The following AQP9 variants were observed in gnomAD, a reference collection of about 807,000 sequenced individuals.
AQP9 encodes the protein aquaporin 9.
Under a neutral mutation model 23.8 loss-of-function variants are expected in AQP9, and 19 were observed. That is an observed-to-expected ratio of 0.80 (90% CI 0.56 to 1.17). The LOEUF (loss-of-function observed/expected upper bound fraction) is 1.17, where lower values mean the gene tolerates loss of function less well. Ranked by LOEUF, AQP9 falls within the 50% of genes most tolerant of loss-of-function variation. The probability of loss-of-function intolerance (pLI) is 0.00; values close to 1 mark genes in which losing one functional copy is unlikely to be tolerated. For synonymous variants in AQP9, 153 were observed against 131.5 expected, an observed-to-expected ratio of 1.16 and a Z score of -1.12; for missense variants, 413 against 362.0, an observed-to-expected ratio of 1.14 and a Z score of -1.14.
In AQP9 at chr15:58,184,123, T is replaced by G. The variant is rs1898958141; in HGVS notation, c.876T>G (p.Ser292Arg). The change falls in exon 6 of 6, where the codon AGT becomes AGG. Residue 292 changes from serine to arginine, a missense_variant. Ser to Arg is a moderately radical substitution (Grantham distance 110). Transcript: ENST00000219919. ...ACAAACCAGAGAAATATGAACTCAGTGTCATCATGTAGTGGCATGCTCAGC... is the reference window on the plus strand; with the variant it reads ...ACAAACCAGAGAAATATGAACTCAGGGTCATCATGTAGTGGCATGCTCAGC... ...SEDKPEKYEL[S>R]VIM The G allele has an allele frequency of 6.2e-7, 1 of 1,613,866 alleles. No individual in the cohort carries two copies. The highest frequency in any genetic ancestry group is 2.2e-5 in the East Asian group (1 of 44,876).
rs1345530362 is a variant in AQP9, at chr15:58,152,532, A to G, written c.111+13856A>G. 2.0e-5 allele frequency: 3 copies of G among 152,186 alleles called. No individual in the cohort carries two copies. The East Asian group carries it at 5.8e-4, about 29-fold the overall frequency. 9.4% of individuals were successfully genotyped at this position (152,186 alleles called of 1,614,324 possible). A position where few individuals can be genotyped will look rare whatever the true frequency, so the allele number is the denominator to read the frequency against. ...ACTGTAAATATAGTATAACCAAAACATTAGATTGTGGATCTAATAACAGAA... is the reference window on the plus strand; with the variant it reads ...ACTGTAAATATAGTATAACCAAAACGTTAGATTGTGGATCTAATAACAGAA... On this transcript the variant is annotated intron_variant, in intron 1 of 5. Coordinates refer to ENST00000219919, the MANE Select transcript of AQP9 (RefSeq NM_020980.5).
chr15:58,147,439 A>G (rs1898067201), intron 1 of AQP9, among the ~76,000 whole-genome samples: 1 of 152,164 alleles, frequency 6.6e-6, no homozygotes, highest in Non-Finnish European at 1.5e-5. Context: ...TACCTCCAGC[A>G]GGCATCTAAT....
intron 1 of AQP9, among the ~76,000 whole-genome samples, chr15:58,156,458 A>G (rs1898261411): frequency 6.6e-6 from 1 of 152,160 alleles, no homozygotes; most frequent in Non-Finnish European, 1.5e-5. Context: ...ACTCAAACTA[A>G]GCCAACACGA....
intron 3 of AQP9, among the ~76,000 whole-genome samples, chr15:58,173,674 C>G (rs1014155945): frequency 6.6e-6 from 1 of 152,142 alleles, no homozygotes; most frequent in Non-Finnish European, 1.5e-5. Flanking sequence ...AGGGCTTCCA[C>G]TCTGCAACAG....
Position 58,175,018 on chromosome 15 carries a change from G to T in AQP9, c.477G>T (p.Ala159=), listed in dbSNP as rs140673133. Residue 159 remains alanine, a synonymous_variant, in exon 4 of 6, where the codon GCG becomes GCT. Coordinates refer to ENST00000219919, the MANE Select transcript of AQP9 (RefSeq NM_020980.5). ...ATYPAPYLSL[A]NAFADQVVAT... The stretch of plus-strand genomic sequence containing the variant: ...ACCCAGCTCCGTATCTATCTCTGGC[G>T]AACGCATTTGCAGATCAAGTAAGTG... 5.6e-6 allele frequency: 9 copies of T among 1,613,524 alleles called. No homozygotes were observed. Among genetic ancestry groups the T allele is most frequent in the Non-Finnish European group, 5.9e-6 (7 of 1,179,512 alleles).
At chr15:58,183,850 G>C (rs1220155898) in intron 5 of AQP9, 111 bp from the exon 6 acceptor site, 1 of 1,279,780 alleles carries the variant, frequency 7.8e-7, no homozygotes, top group Non-Finnish European at 1.1e-6. Flanking sequence ...CTCTTGCTGA[G>C]TTAAGAGGGA....
intron 4 of AQP9, 50 bp downstream of exon 4, chr15:58,175,086 C>A: frequency 6.8e-7 from 1 of 1,462,898 alleles, no homozygotes; most frequent in South Asian, 1.1e-5. Flanking sequence ...GATATGCTCT[C>A]ATAAGGGGAA....
intron 1 of AQP9, among the ~76,000 whole-genome samples, chr15:58,165,763 C>G (rs1898487155): frequency 6.6e-6 from 1 of 152,040 alleles, no homozygotes; most frequent in South Asian, 2.1e-4. Flanking sequence ...TTTCATTCTC[C>G]AAAATATCCT....
intron 1 of AQP9, among the ~76,000 whole-genome samples, chr15:58,141,096 G>A (rs1389484546): frequency 6.6e-6 from 1 of 152,182 alleles, no homozygotes; most frequent in Non-Finnish European, 1.5e-5. Context: ...GGATACGTAG[G>A]CCTTTCACCT....
At chr15:58,142,259 G>A (rs1251282887) in intron 1 of AQP9, among the ~76,000 whole-genome samples, 1 of 152,204 alleles carries the variant, frequency 6.6e-6, no homozygotes, top group African/African-American at 2.4e-5. Flanking sequence ...TTTGCCAGAT[G>A]GAGAGACAAG....
At chr15:58,170,674 A>T (rs1398309798) in intron 2 of AQP9, among the ~76,000 whole-genome samples, 1 of 152,134 alleles carries the variant, frequency 6.6e-6, no homozygotes, top group Non-Finnish European at 1.5e-5. Context: ...AAGTGCTGAG[A>T]TTACAAGCGT....
intron 1 of AQP9, chr15:58,153,190 C>T (rs1197760437): frequency 1.3e-5 from 2 of 152,108 alleles, no homozygotes; most frequent in East Asian, 1.9e-4. Context: ...CACATGAGAG[C>T]GTCAACAAAT....
chr15:58,184,247 C>A lies in AQP9; in HGVS notation c.*112C>A. 1 of 1,143,870 alleles carries A rather than the reference C, an allele frequency of 8.7e-7. No individual in the cohort carries two copies. The highest frequency in any genetic ancestry group is 1.2e-6 in the Non-Finnish European group (1 of 802,592). 70.9% of individuals were successfully genotyped at this position (1,143,870 alleles called of 1,614,324 possible). A position where few individuals can be genotyped will look rare whatever the true frequency, so the allele number is the denominator to read the frequency against. ...GGTGGAATCCACCCAGTTTTGTCTG[C>A]TAGCCATATGGGACATCTAATTGGA... On this transcript the variant is annotated 3_prime_UTR_variant, in exon 6 of 6. Transcript: ENST00000219919.
chr15:58,144,283 A>G (rs533904834), intron 1 of AQP9, among the ~76,000 whole-genome samples: 1 of 152,028 alleles, frequency 6.6e-6, no homozygotes, highest in South Asian at 2.1e-4. Context: ...GTGTCTTTAA[A>G]TAATTAGAAT....
At chr15:58,155,842 T>A (rs1898244930) in intron 1 of AQP9, 1 of 152,164 alleles carries the variant, frequency 6.6e-6, no homozygotes, top group Non-Finnish European at 1.5e-5. Flanking sequence ...TACTGGCCCT[T>A]ATATCTTCCA....
chr15:58,143,318 C>T (rs982944907), intron 1 of AQP9, among the ~76,000 whole-genome samples: 10 of 152,150 alleles, frequency 6.6e-5, no homozygotes, highest in African/African-American at 4.8e-5. Flanking sequence ...TGTCTTCTGT[C>T]AAATATGATG....
At chr15:58,182,603 T>C (rs1427757878) in intron 5 of AQP9, among the ~76,000 whole-genome samples, 1 of 152,168 alleles carries the variant, frequency 6.6e-6, no homozygotes, top group East Asian at 1.9e-4. Flanking sequence ...TTCAAGTCTT[T>C]ACAGCCAAAC....
chr15:58,180,810 A>G (rs1898869920), intron 5 of AQP9, among the ~76,000 whole-genome samples: 1 of 152,196 alleles, frequency 6.6e-6, no homozygotes, highest in African/African-American at 2.4e-5. Flanking sequence ...CTCCCACAAC[A>G]AAGAATTATT....
intron 1 of AQP9, among the ~76,000 whole-genome samples, chr15:58,154,731 C>A (rs1248681894): frequency 6.6e-6 from 1 of 152,058 alleles, no homozygotes; most frequent in African/African-American, 2.4e-5. Flanking sequence ...AGACTATTAA[C>A]CCCACGAAAG....
Sources: allele counts gnomAD v4.1 joint callset (sites outside exome capture counted in the v4.1 genomes callset), GRCh38; gene constraint gnomAD v4.1.1; transcripts MANE v1.5; gene names NCBI Gene and HGNC (gene_info 2026-07-23, HGNC 2026-07-21).